The following CDH18 variants were observed in gnomAD, a reference collection of about 807,000 sequenced individuals.
The protein encoded by CDH18 is cadherin 18, also known as cadherin-18.
A neutral mutation model predicts 67.9 loss-of-function variants in CDH18; 31 were observed. That is an observed-to-expected ratio of 0.46 (90% CI 0.34 to 0.62). The LOEUF (loss-of-function observed/expected upper bound fraction) is 0.62. CDH18 is among the 20% of genes least tolerant of loss of function. The pLI, the probability that CDH18 is intolerant of heterozygous loss-of-function variation, is 0.01. For missense variants in CDH18, 890 were observed against 975.5 expected, an observed-to-expected ratio of 0.91 and a Z score of 1.17; for synonymous variants, 362 against 347.2, an observed-to-expected ratio of 1.04 and a Z score of -0.48.
intron 1 of CDH18, among the ~76,000 whole-genome samples, chr5:20,485,384 C>A (rs1008758904): frequency 2.0e-5 from 3 of 152,084 alleles, no homozygotes; most frequent in Non-Finnish European, 4.4e-5. Flanking sequence ...GACAGGACAC[C>A]ATTTATCTAT....
At chr5:19,692,871 G>A (rs758101914) in intron 5 of CDH18, among the ~76,000 whole-genome samples, 5 of 151,728 alleles carry the variant, frequency 3.3e-5, no homozygotes, top group Non-Finnish European at 7.4e-5. Flanking sequence ...ATACTATCCA[G>A]TAATCTCACT....
At chr5:19,752,091 TAGG>T (rs2149672695) in intron 3 of CDH18, among the ~76,000 whole-genome samples, 1 of 152,280 alleles carries the variant, frequency 6.6e-6, no homozygotes, top group African/African-American at 2.4e-5. Context: ...GTCTAGTTTA[TAGG>T]AGAATATTCT....
intron 3 of CDH18, among the ~76,000 whole-genome samples, chr5:19,835,140 G>A (rs1394610802): frequency 6.6e-6 from 1 of 152,074 alleles, no homozygotes; most frequent in Admixed American, 6.6e-5. Context: ...ATCAATAATA[G>A]ACTAAATTAA....
chr5:19,914,981 A>G (rs1791591679), intron 2 of CDH18, among the ~76,000 whole-genome samples: 1 of 152,168 alleles, frequency 6.6e-6, no homozygotes, highest in African/African-American at 2.4e-5. Context: ...CGAAGGAAAG[A>G]ATTAACCTTA....
chr5:19,920,686 G>A (rs1792338976), intron 2 of CDH18, among the ~76,000 whole-genome samples: 1 of 151,452 alleles, frequency 6.6e-6, no homozygotes, highest in Non-Finnish European at 1.5e-5. Flanking sequence ...GCTAATTTTT[G>A]TATTTTTAGT....
chr5:20,411,601 G>A (rs535242904), intron 1 of CDH18, among the ~76,000 whole-genome samples: 2 of 151,490 alleles, frequency 1.3e-5, no homozygotes, highest in Non-Finnish European at 2.9e-5. Context: ...TGGATAAACG[G>A]GACTACATGA....
At chr5:20,530,214 C>T (rs1321158495) in intron 1 of CDH18, among the ~76,000 whole-genome samples, 1 of 151,904 alleles carries the variant, frequency 6.6e-6, no homozygotes, top group African/African-American at 2.4e-5. Flanking sequence ...AACTACAAAA[C>T]ATTGCTCAAG....
At chr5:20,373,567 T>C (rs916252310) in intron 1 of CDH18, among the ~76,000 whole-genome samples, 2 of 152,084 alleles carry the variant, frequency 1.3e-5, no homozygotes, top group Non-Finnish European at 1.5e-5. Context: ...ACCTCATCTT[T>C]TGTAAATTTC....
chr5:19,796,971 T>A (rs1287247719), intron 3 of CDH18, among the ~76,000 whole-genome samples: 1 of 151,354 alleles, frequency 6.6e-6, no homozygotes, highest in Non-Finnish European at 1.5e-5. Flanking sequence ...AAGAATAGCA[T>A]AAAAAAGAAA....
intron 3 of CDH18, among the ~76,000 whole-genome samples, chr5:19,832,081 C>T (rs190932449): frequency 6.6e-6 from 1 of 152,076 alleles, no homozygotes; most frequent in East Asian, 1.9e-4. Flanking sequence ...AAGATATGAA[C>T]ATTAGACAGG....
intron 8 of CDH18, among the ~76,000 whole-genome samples, chr5:19,555,309 C>T (rs913892677): frequency 2.0e-5 from 3 of 152,128 alleles, no homozygotes; most frequent in African/African-American, 7.2e-5. Flanking sequence ...GCTGCAGGCT[C>T]CATGGGATAG....
chr5:19,977,881 T>C (rs1798650283), intron 2 of CDH18, among the ~76,000 whole-genome samples: 1 of 152,102 alleles, frequency 6.6e-6, no homozygotes, highest in African/African-American at 2.4e-5. Flanking sequence ...ACACACAGAT[T>C]TCTATATTCT....
At chr5:20,312,395 A>G (rs1395962498) in intron 1 of CDH18, among the ~76,000 whole-genome samples, 2 of 152,214 alleles carry the variant, frequency 1.3e-5, no homozygotes, top group African/African-American at 2.4e-5. Context: ...TAATGTTAAA[A>G]TTAAAAGCAG....
At chr5:19,967,787 G>A (rs974594875) in intron 2 of CDH18, among the ~76,000 whole-genome samples, 68 of 152,182 alleles carry the variant, frequency 4.5e-4, no homozygotes, top group Non-Finnish European at 8.7e-4. Flanking sequence ...GCACAAGACA[G>A]GGATGCCCTC....
intron 1 of CDH18, among the ~76,000 whole-genome samples, chr5:20,428,423 A>G (rs1481131166): frequency 6.6e-6 from 1 of 152,158 alleles, no homozygotes; most frequent in African/African-American, 2.4e-5. Flanking sequence ...ATAGGTCTTT[A>G]TAGTAGAATG....
intron 4 of CDH18, among the ~76,000 whole-genome samples, chr5:19,741,302 TAC>T (rs1769168358): frequency 7.3e-6 from 1 of 137,650 alleles, no homozygotes; most frequent in Non-Finnish European, 1.6e-5. Context: ...TACATATATG[TAC>T]ATATATACAT....
intron 2 of CDH18, among the ~76,000 whole-genome samples, chr5:20,143,351 A>ATTAT (rs546620026): frequency 3.6e-4 from 54 of 152,060 alleles, no homozygotes; most frequent in South Asian, 1.7e-3. Context: ...AGATGAGAAC[A>ATTAT]TTATTTATTT....
At chr5:19,929,604 C>A (rs1793459317) in intron 2 of CDH18, among the ~76,000 whole-genome samples, 2 of 151,964 alleles carry the variant, frequency 1.3e-5, no homozygotes, top group Non-Finnish European at 2.9e-5. Flanking sequence ...ATGTGTTATG[C>A]CTCCCTAATA....
intron 1 of CDH18, among the ~76,000 whole-genome samples, chr5:20,341,543 G>GTA (rs1336306385): frequency 1.5e-4 from 8 of 51,938 alleles, no homozygotes; most frequent in African/African-American, 6.7e-4. Flanking sequence ...ATATTAGAGG[G>GTA]CATATATATA....
Sources: gnomAD v4.1 joint callset for allele counts (sites outside exome capture counted in the v4.1 genomes callset) on GRCh38, gnomAD v4.1.1 for gene constraint, MANE v1.5 for transcripts, NCBI Gene and HGNC (gene_info 2026-07-23, HGNC 2026-07-21) for gene names.